ELP4: variants seen among roughly 807,000 people sequenced by gnomAD.
ELP4 encodes elongator acetyltransferase complex subunit 4.
ELP4 carries 51 observed loss-of-function variants against 48.9 expected under a neutral mutation model. The observed-to-expected ratio is 1.04, with a 90% CI of 0.83 to 1.32. ELP4 has a LOEUF of 1.32. Among genes scored for constraint, ELP4 ranks in the 40% most tolerant of loss-of-function variants. The pLI, the probability that ELP4 is intolerant of heterozygous loss-of-function variation, is 0.00. For synonymous variants in ELP4, 210 were observed against 189.2 expected (o/e 1.11, Z -0.90); for missense variants, 519 against 514.6 (o/e 1.01, Z -0.08).
intron 3 of ELP4, among the ~76,000 whole-genome samples, chr11:31,594,061 T>C (rs1194875729): frequency 6.6e-6 from 1 of 152,194 alleles, no homozygotes; most frequent in Non-Finnish European, 1.5e-5. Context: ...ACAAAATTAT[T>C]GTATGTGCTT....
chr11:31,748,885 G>A (rs1158251677), intron 9 of ELP4, among the ~76,000 whole-genome samples: 1 of 152,136 alleles, frequency 6.6e-6, no homozygotes, highest in Admixed American at 6.6e-5. Context: ...TTATAGCTCA[G>A]CAAGTTAAGG....
chr11:31,522,419 C>T (rs1419466341), intron 2 of ELP4, among the ~76,000 whole-genome samples: 1 of 152,250 alleles, frequency 6.6e-6, no homozygotes, highest in East Asian at 1.9e-4. Context: ...TCACACCTTG[C>T]TTTATCTATT....
At chr11:31,725,394 T>G (rs1327590941) in intron 9 of ELP4, among the ~76,000 whole-genome samples, 1 of 152,136 alleles carries the variant, frequency 6.6e-6, no homozygotes, top group Non-Finnish European at 1.5e-5. Context: ...CACAGGAATT[T>G]CCTACATCCT....
intron 3 of ELP4, among the ~76,000 whole-genome samples, chr11:31,568,357 A>G (rs1957145586): frequency 6.6e-6 from 1 of 152,194 alleles, no homozygotes; most frequent in Admixed American, 6.5e-5. Context: ...AAATGGCCAT[A>G]CTGCTCATAG....
chr11:31,516,596 A>G (rs949870258), intron 1 of ELP4, among the ~76,000 whole-genome samples: 1 of 152,190 alleles, frequency 6.6e-6, no homozygotes, highest in African/African-American at 2.4e-5. Context: ...CCCATGCTCA[A>G]TTGATCCTCC....
intron 5 of ELP4, among the ~76,000 whole-genome samples, chr11:31,621,717 A>G (rs1944625462): frequency 6.6e-6 from 1 of 151,870 alleles, no homozygotes; most frequent in African/African-American, 2.4e-5. Flanking sequence ...GGAGGCCTCC[A>G]TCAGTGCAAC....
chr11:31,627,014 A>G (rs901087945), intron 5 of ELP4, 96 bp from the exon 6 acceptor site: 10 of 670,542 alleles, frequency 1.5e-5, no homozygotes, highest in African/African-American at 9.1e-5. Flanking sequence ...TAATAAATGT[A>G]TGCCTTTTAA....
chr11:31,717,220 G>C (rs1946859766), intron 9 of ELP4, among the ~76,000 whole-genome samples: 1 of 152,150 alleles, frequency 6.6e-6, no homozygotes, highest in South Asian at 2.1e-4. Context: ...GAAAAGAAAT[G>C]TACATGTTTA....
At chr11:31,658,478 A>T (rs1426315448) in intron 9 of ELP4, among the ~76,000 whole-genome samples, 1 of 151,746 alleles carries the variant, frequency 6.6e-6, no homozygotes. Flanking sequence ...GCAAAAAAAA[A>T]GCTATTCTCT....
chr11:31,631,572 T>G (rs1944862244), intron 6 of ELP4, among the ~76,000 whole-genome samples: 1 of 152,162 alleles, frequency 6.6e-6, no homozygotes, highest in Admixed American at 6.6e-5. Flanking sequence ...AATTAATAGT[T>G]TTTAAATGTT....
intron 7 of ELP4, among the ~76,000 whole-genome samples, chr11:31,641,538 C>G (rs1228238100): frequency 2.0e-5 from 3 of 151,784 alleles, no homozygotes; most frequent in African/African-American, 7.3e-5. Flanking sequence ...GAAAATAAGA[C>G]ACCCTGAGTT....
chr11:31,524,712 TCAG>T (rs1956271366), intron 2 of ELP4, among the ~76,000 whole-genome samples: 1 of 152,242 alleles, frequency 6.6e-6, no homozygotes, highest in Non-Finnish European at 1.5e-5. Flanking sequence ...GTATTTCTTG[TCAG>T]TCATCTTCAA....
chr11:31,693,652 T>A (rs1283417974), intron 9 of ELP4, among the ~76,000 whole-genome samples: 1 of 152,220 alleles, frequency 6.6e-6, no homozygotes, highest in Non-Finnish European at 1.5e-5. Flanking sequence ...AGCAGCATGA[T>A]TTGTAATCCT....
chr11:31,712,634 G>T (rs938946112), intron 9 of ELP4, among the ~76,000 whole-genome samples: 5 of 151,910 alleles, frequency 3.3e-5, no homozygotes, highest in African/African-American at 1.2e-4. Flanking sequence ...TCATTTTTAA[G>T]AGATTTTGGT....
At chr11:31,662,647 A>G (rs1945587980) in intron 9 of ELP4, 7 of 397,644 alleles carry the variant, frequency 1.8e-5, no homozygotes, top group Non-Finnish European at 2.7e-5. Flanking sequence ...ACTTTAAAGA[A>G]AATTTACTGA....
intron 2 of ELP4, among the ~76,000 whole-genome samples, chr11:31,525,624 T>G (rs1956284206): frequency 6.6e-6 from 1 of 152,126 alleles, no homozygotes; most frequent in Non-Finnish European, 1.5e-5. Flanking sequence ...TTAGGACTAG[T>G]GAGAAGGTAA....
intron 9 of ELP4, among the ~76,000 whole-genome samples, chr11:31,782,264 TG>T (rs1390377957): frequency 5.9e-5 from 9 of 152,260 alleles, no homozygotes; most frequent in Non-Finnish European, 1.0e-4. Flanking sequence ...CATATGCTTG[TG>T]GACCACAATA....
chr11:31,521,437 T>A (rs1323656947), intron 2 of ELP4, among the ~76,000 whole-genome samples: 1 of 152,134 alleles, frequency 6.6e-6, no homozygotes, highest in Non-Finnish European at 1.5e-5. Flanking sequence ...ACTTGAATTC[T>A]GTGTGATTCC....
intron 3 of ELP4, among the ~76,000 whole-genome samples, chr11:31,585,686 A>G (rs1957460627): frequency 6.6e-6 from 1 of 152,222 alleles, no homozygotes; most frequent in Non-Finnish European, 1.5e-5. Flanking sequence ...GAGTAGATAA[A>G]AAGAATAATT....
Sources: gnomAD v4.1 joint callset for allele counts (sites outside exome capture counted in the v4.1 genomes callset) on GRCh38, gnomAD v4.1.1 for gene constraint, MANE v1.5 for transcripts, NCBI Gene and HGNC (gene_info 2026-07-23, HGNC 2026-07-21) for gene names.